MYRIP: variants seen among roughly 807,000 people sequenced by gnomAD.
The protein encoded by MYRIP is rab effector MyRIP.
A neutral mutation model predicts 98.0 loss-of-function variants in MYRIP; 49 were observed. The ratio of observed to expected loss-of-function variants is 0.50; its 90% CI spans 0.40 to 0.63. The LOEUF (loss-of-function observed/expected upper bound fraction) is 0.63. MYRIP is among the 30% of genes least tolerant of loss of function. The pLI is 0.00. For synonymous variants in MYRIP, 404 were observed against 409.5 expected (o/e 0.99, Z 0.16); for missense variants, 1,004 against 1,058.2 (o/e 0.95, Z 0.71).
chr3:40,026,722 C>G (rs2125813164), intron 2 of MYRIP, among the ~76,000 whole-genome samples: 1 of 152,258 alleles, frequency 6.6e-6, no homozygotes, highest in East Asian at 1.9e-4. Context: ...GCCTAGCTTC[C>G]ACCACTGAAA....
intron 3 of MYRIP, among the ~76,000 whole-genome samples, chr3:40,083,923 G>A (rs1260374576): frequency 9.9e-5 from 15 of 151,964 alleles, no homozygotes; most frequent in African/African-American, 3.6e-4. Flanking sequence ...GGATTATGAG[G>A]TCAGGAGATC....
chr3:40,051,710 A>G (rs966981568), intron 3 of MYRIP, among the ~76,000 whole-genome samples: 1 of 152,112 alleles, frequency 6.6e-6, no homozygotes, highest in African/African-American at 2.4e-5. Context: ...CAGCTCATTA[A>G]GCTTGTGGCA....
intron 1 of MYRIP, among the ~76,000 whole-genome samples, chr3:39,893,495 C>T (rs1450025265): frequency 6.6e-6 from 1 of 152,032 alleles, no homozygotes; most frequent in Non-Finnish European, 1.5e-5. Flanking sequence ...TCAATAGGGA[C>T]CAGTTTTCAG....
At chr3:39,970,424 C>T (rs1161467289) in intron 2 of MYRIP, among the ~76,000 whole-genome samples, 1 of 152,090 alleles carries the variant, frequency 6.6e-6, no homozygotes, top group Non-Finnish European at 1.5e-5. Context: ...GCATTTTGAA[C>T]TGTGTTAGAA....
chr3:39,979,686 G>T (rs896089515), intron 2 of MYRIP, among the ~76,000 whole-genome samples: 1 of 151,202 alleles, frequency 6.6e-6, no homozygotes, highest in Non-Finnish European at 1.5e-5. Context: ...AAACTAAGCA[G>T]CTGACTTGGC....
At chr3:39,953,634 T>C (rs939959739) in intron 2 of MYRIP, among the ~76,000 whole-genome samples, 5 of 152,108 alleles carry the variant, frequency 3.3e-5, no homozygotes, top group African/African-American at 1.2e-4. Context: ...AGACGGGTGA[T>C]TTCTGCATTT....
intron 13 of MYRIP, among the ~76,000 whole-genome samples, chr3:40,246,612 G>T (rs943121928): frequency 6.6e-6 from 1 of 152,044 alleles, no homozygotes; most frequent in Non-Finnish European, 1.5e-5. Context: ...CCTTCTATCT[G>T]TAGCTATCAG....
At chr3:39,877,084 C>G (rs1274015645) in intron 1 of MYRIP, among the ~76,000 whole-genome samples, 4 of 152,080 alleles carry the variant, frequency 2.6e-5, no homozygotes, top group Admixed American at 6.6e-5. Flanking sequence ...CGCTTCATTT[C>G]ATTCATTTGA....
At chr3:39,887,357 A>G (rs532398474) in intron 1 of MYRIP, among the ~76,000 whole-genome samples, 94 of 152,066 alleles carry the variant, frequency 6.2e-4, no homozygotes, top group African/African-American at 2.1e-3. Context: ...AACTGAAGGA[A>G]ATAGAGACAC....
At position 40,122,479 on chromosome 3, in the gene MYRIP, G is replaced by GA. The variant is rs141838953; in HGVS notation, c.333-28563dup. On this transcript the variant is annotated intron_variant, in intron 3 of 16. Coordinates refer to ENST00000302541, the MANE Select transcript of MYRIP (RefSeq NM_015460.4). The stretch of plus-strand genomic sequence containing the variant: ...ATATACAAATACATGTAAATCAAAA[G>GA]AAAAAATCCAGATTATCATAAAGAT... 0.017 allele frequency among the ~76,000 whole-genome samples: 2,581 copies of GA among 151,296 alleles called. 129 individuals are homozygous for GA. The East Asian group carries it at 0.19, about 11-fold the overall frequency.
intron 1 of MYRIP, among the ~76,000 whole-genome samples, chr3:39,838,971 T>G (rs1941711822): frequency 6.6e-6 from 1 of 152,212 alleles, no homozygotes; most frequent in Non-Finnish European, 1.5e-5. Context: ...TATCCATTTT[T>G]TTTCTAGATT....
At chr3:40,223,250 T>A (rs977926672) in intron 11 of MYRIP, among the ~76,000 whole-genome samples, 2 of 15,296 alleles carry the variant, frequency 1.3e-4, no homozygotes, top group Non-Finnish European at 6.1e-4. Flanking sequence ...CAAAACCATC[T>A]GATAGAATAG....
intron 1 of MYRIP, among the ~76,000 whole-genome samples, chr3:39,839,553 TG>T (rs1326690506): frequency 2.0e-5 from 3 of 152,284 alleles, no homozygotes; most frequent in African/African-American, 7.2e-5. Context: ...CCACCGCGCC[TG>T]CCCTCTAGTT....
chr3:39,924,763 C>A (rs370576326), intron 2 of MYRIP, among the ~76,000 whole-genome samples: 1 of 151,878 alleles, frequency 6.6e-6, no homozygotes, highest in Non-Finnish European at 1.5e-5. Flanking sequence ...AATAATAGAG[C>A]GTGTTCTCTA....
At chr3:40,200,006 C>G (rs1951507573) in intron 10 of MYRIP, among the ~76,000 whole-genome samples, 1 of 151,552 alleles carries the variant, frequency 6.6e-6, no homozygotes. Flanking sequence ...AGTCACATGT[C>G]TGTCAACTGA....
At chr3:39,835,031 C>T (rs1941579528) in intron 1 of MYRIP, among the ~76,000 whole-genome samples, 1 of 152,028 alleles carries the variant, frequency 6.6e-6, no homozygotes, top group Non-Finnish European at 1.5e-5. Context: ...TGAATTTATT[C>T]TCTACTTCCA....
intron 12 of MYRIP, among the ~76,000 whole-genome samples, chr3:40,240,741 G>A (rs749556480): frequency 3.9e-5 from 6 of 152,134 alleles, no homozygotes; most frequent in Non-Finnish European, 2.9e-5. Flanking sequence ...ACAGCAGCAC[G>A]CAATGGGGGC....
At chr3:39,942,591 G>A (rs1357392062) in intron 2 of MYRIP, among the ~76,000 whole-genome samples, 1 of 152,044 alleles carries the variant, frequency 6.6e-6, no homozygotes, top group Non-Finnish European at 1.5e-5. Context: ...CATATAATGT[G>A]TAATGATCAA....
intron 1 of MYRIP, among the ~76,000 whole-genome samples, chr3:39,897,754 A>G (rs956087042): frequency 6.6e-6 from 1 of 152,110 alleles, no homozygotes; most frequent in Non-Finnish European, 1.5e-5. Flanking sequence ...CAATTTAAAG[A>G]AAGTTTTCTC....
Sources: gnomAD v4.1 joint callset for allele counts (sites outside exome capture counted in the v4.1 genomes callset) on GRCh38, gnomAD v4.1.1 for gene constraint, MANE v1.5 for transcripts, NCBI Gene and HGNC (gene_info 2026-07-23, HGNC 2026-07-21) for gene names.